Variants in ITFG2 observed in about 807,000 individuals in gnomAD.
ITFG2 encodes integrin alpha FG-GAP repeat containing 2, also known as KICSTOR complex protein ITFG2.
In ITFG2, 36 loss-of-function variants were observed where a neutral mutation model predicts 54.4. That is an observed-to-expected ratio of 0.66 (90% CI 0.51 to 0.87). The LOEUF (loss-of-function observed/expected upper bound fraction) is 0.87. Among genes scored for constraint, ITFG2 ranks in the 40% least tolerant of loss-of-function variants. ITFG2 has a pLI of 0.00. For missense variants in ITFG2, 524 were observed against 576.7 expected (o/e 0.91, Z 0.94); for synonymous variants, 211 against 225.4 (o/e 0.94, Z 0.57).
In ITFG2 at chr12:2,822,784, C is replaced by CCTTT. The variant is rs1365777985; in HGVS notation, c.949-9_949-6dup. 6.2e-7 allele frequency: 1 copy of CCTTT among 1,610,772 alleles called. No homozygotes were observed. Among genetic ancestry groups the CCTTT allele is most frequent in the South Asian group, 1.1e-5 (1 of 90,990 alleles). On this transcript the variant is annotated splice_polypyrimidine_tract_variant and intron_variant, in intron 9 of 11. Transcript: ENST00000228799. ...TCCTTTATGTTCCTTTTGTCTCTGT[C>CCTTT]CTTTTTCAGGGCAACGGGCATGAGG... is the stretch of plus-strand genomic sequence containing the variant.
At chr12:2,830,692 C>T (rs2097997005) in intron 2 of ITFG2, 3 of 1,601,824 alleles carry the variant, frequency 1.9e-6, no homozygotes, top group Non-Finnish European at 2.6e-6. Flanking sequence ...AAGTGTGTCC[C>T]TGGGAGGCCT....
chr12:2,858,889 G>T, intron 3 of ITFG2: 1 of 1,614,036 alleles, frequency 6.2e-7, no homozygotes, highest in Non-Finnish European at 8.5e-7. Context: ...AGGTCTAAGG[G>T]TTCTGAACTG....
chr12:2,847,280 C>T (rs7135398), intron 2 of ITFG2, among the ~76,000 whole-genome samples: 1 of 152,072 alleles, frequency 6.6e-6, no homozygotes, highest in African/African-American at 2.4e-5. Flanking sequence ...GAGGTGGTCC[C>T]TTCCCAATGT....
Position 2,821,274 on chromosome 12 carries a change from T to C in ITFG2, c.708T>C (p.Ala236=). 6.2e-7 allele frequency: 1 copy of C among 1,607,530 alleles called. No individual in the cohort carries two copies. Among genetic ancestry groups the C allele is most frequent in the Non-Finnish European group, 8.5e-7 (1 of 1,176,860 alleles). Reference sequence around the variant, plus strand: ...CTGCTGTGCACAGGGAGACCCCAGCTGCCCGAGACGTGGTGCTGCACCAGA... The same window carrying C: ...CTGCTGTGCACAGGGAGACCCCAGCCGCCCGAGACGTGGTGCTGCACCAGA... ...GPTDGSRETP[A]ARDVVLHQTS... is the part of the protein sequence containing the mutation. Residue 236 remains alanine, a synonymous_variant, in exon 7 of 12, where the codon GCT becomes GCC. Coordinates refer to ENST00000228799, the MANE Select transcript of ITFG2 (RefSeq NM_018463.4).
chr12:2,827,554 C>G, downstream of ITFG2: 2 of 1,609,748 alleles, frequency 1.2e-6, no homozygotes, highest in Non-Finnish European at 1.7e-6. The surrounding 1 kb of genome is among the most constrained non-coding windows in gnomAD (Gnocchi z 4.0). Context: ...GAACCTGGTC[C>G]AGGTTCCACA....
In ITFG2 at chr12:2,845,038, C is replaced by A. The variant is rs760034786; in HGVS notation, n.300+4043C>A. 6.6e-6 allele frequency among the ~76,000 whole-genome samples: 1 copy of A among 152,078 alleles called. No homozygotes were observed. The highest frequency in any genetic ancestry group is 1.5e-5 in the Non-Finnish European group (1 of 68,024). On this transcript the variant is annotated intron_variant and non_coding_transcript_variant, in intron 2 of 3. Coordinates refer to the ITFG2 transcript ENST00000537710. The surrounding 1 kb of genome is among the most constrained non-coding windows in gnomAD (Gnocchi z 4.2). ...AGTGGAGCAGCTATGTGAAGAGCCACGGGAACCGCTACCTGTGATGGCAGG... is the reference window on the plus strand; with the variant it reads ...AGTGGAGCAGCTATGTGAAGAGCCAAGGGAACCGCTACCTGTGATGGCAGG...
At chr12:2,833,835 A>G (rs1378304076), upstream of ITFG2, among the ~76,000 whole-genome samples, 1 of 152,216 alleles carries the variant, frequency 6.6e-6, no homozygotes, top group Non-Finnish European at 1.5e-5. Context: ...GATTGATTTG[A>G]TTCTCATTTA....
At chr12:2,814,241 G>C (rs1000755643) in intron 1 of ITFG2, among the ~76,000 whole-genome samples, 4 of 152,124 alleles carry the variant, frequency 2.6e-5, no homozygotes, top group African/African-American at 9.7e-5. Context: ...AACCTCACCA[G>C]GCCATACTTT....
chr12:2,859,192 C>T lies in ITFG2; in HGVS notation n.621-342C>T, dbSNP rs2098102075. On this transcript the variant is annotated intron_variant and non_coding_transcript_variant, in intron 3 of 3. Coordinates refer to the ITFG2 transcript ENST00000537710. ...AGCTGGGAGGCAGGGTCAGAGGAGT[C>T]TGCTGGGAACGGGAGCTCTGCGGCC... 1.2e-6 allele frequency: 2 copies of T among 1,610,798 alleles called. No individual in the cohort carries two copies.
intron 3 of ITFG2, chr12:2,858,677 G>A: frequency 2.5e-6 from 4 of 1,614,170 alleles, no homozygotes; most frequent in Non-Finnish European, 3.4e-6. Flanking sequence ...AGTTGATGTT[G>A]TCAGGGCCCA....
rs1289804075 is a variant in ITFG2 at position 2,843,771 on chromosome 12, C to T, written n.300+2776C>T. Among the ~76,000 whole-genome samples the T allele has an allele frequency of 2.0e-5, 3 of 151,454 alleles. 1 individual carries two copies. The highest frequency in any genetic ancestry group is 2.1e-4 in the South Asian group (1 of 4,812). On this transcript the variant is annotated intron_variant and non_coding_transcript_variant, in intron 2 of 3. Coordinates refer to the ITFG2 transcript ENST00000537710. Reference sequence around the variant, plus strand: ...GAGGTTGCAGTGAGCTGAGATCGTGCCACTGCACTCCAGCCTGGGTGACAG... The same window carrying T: ...GAGGTTGCAGTGAGCTGAGATCGTGTCACTGCACTCCAGCCTGGGTGACAG...
At chr12:2,814,049 T>G (rs1165616598) in intron 1 of ITFG2, among the ~76,000 whole-genome samples, 2 of 152,282 alleles carry the variant, frequency 1.3e-5, no homozygotes, top group East Asian at 3.9e-4. Context: ...GCTCAAATGA[T>G]TCTACTGCCC....
intron 2 of ITFG2, among the ~76,000 whole-genome samples, chr12:2,855,920 G>A (rs1238302436): frequency 2.0e-5 from 3 of 152,006 alleles, no homozygotes; most frequent in Non-Finnish European, 4.4e-5. Flanking sequence ...AGGGCCAGGG[G>A]TTTTCCCATC....
At chr12:2,832,406 C>T (rs1565432577), upstream of ITFG2, among the ~76,000 whole-genome samples, 1 of 151,908 alleles carries the variant, frequency 6.6e-6, no homozygotes, top group Non-Finnish European at 1.5e-5. Flanking sequence ...TCCATGTCTT[C>T]ACTCCTCTCT....
chr12:2,834,243 C>A (rs78560096), upstream of ITFG2, among the ~76,000 whole-genome samples: 196 of 152,286 alleles, frequency 1.3e-3, 1 homozygote, highest in East Asian at 0.036. Flanking sequence ...CAGACCTGGT[C>A]TGGGGAACCT....
chr12:2,849,550 A>C, intron 2 of ITFG2: 1 of 1,535,710 alleles, frequency 6.5e-7, no homozygotes, highest in Non-Finnish European at 8.7e-7. Flanking sequence ...GTATGGAGAG[A>C]ACAGAGAGAT....
chr12:2,850,475 CA>C lies in ITFG2; in HGVS notation n.301-7517del, dbSNP rs1275655927. 2.7e-3 allele frequency among the ~76,000 whole-genome samples: 192 copies of C among 70,684 alleles called. 1 individual carries two copies. Among genetic ancestry groups the C allele is most frequent in the Middle Eastern group, 9.3e-3 (1 of 108 alleles). The allele number at this position is 70,684 out of a possible 152,430, so 46.4% of individuals were successfully genotyped here. A position where few individuals can be genotyped will look rare whatever the true frequency, so the allele number is the denominator to read the frequency against. On this transcript the variant is annotated intron_variant and non_coding_transcript_variant, in intron 2 of 3. Transcript: ENST00000537710. ...CCTGGGCAAGAGCAAGACTCTGTCT[CA>C]AAAAAAAAAAAAAAAAAAATGGGGC...
At chr12:2,827,937 G>C (rs779656797), downstream of ITFG2, 32 of 1,614,002 alleles carry the variant, frequency 2.0e-5, no homozygotes, top group Middle Eastern at 1.7e-4. This position sits in a 1 kb window ranked among gnomAD's most constrained non-coding sequence, Gnocchi z 4.0. Context: ...CACCACCTGT[G>C]CCGAGCACAC....
intron 2 of ITFG2, among the ~76,000 whole-genome samples, chr12:2,850,872 A>G (rs374893828): frequency 6.7e-6 from 1 of 150,196 alleles, no homozygotes; most frequent in East Asian, 2.0e-4. Context: ...GGGTTTCCCC[A>G]TGTTGGCCAG....
Sources: gnomAD v4.1 joint callset for allele counts (sites outside exome capture counted in the v4.1 genomes callset) on GRCh38, gnomAD v4.1.1 for gene constraint, Gnocchi (gnomAD v3.1) non-coding constraint, MANE v1.5 for transcripts, NCBI Gene and HGNC (gene_info 2026-07-23, HGNC 2026-07-21) for gene names.